UHMK1: variants seen among roughly 807,000 people sequenced by gnomAD.
The protein encoded by UHMK1 is U2AF homology motif kinase 1.
A neutral mutation model predicts 44.0 loss-of-function variants in UHMK1; 18 were observed. The ratio of observed to expected loss-of-function variants is 0.41; its 90% CI spans 0.28 to 0.61. UHMK1 has a LOEUF of 0.61. Ranked by LOEUF, UHMK1 falls within the 20% of genes least tolerant of loss-of-function variation. UHMK1 has a pLI of 0.31. For missense variants in UHMK1, 463 were observed against 522.5 expected (o/e 0.89, Z 1.11); for synonymous variants, 231 against 198.5 (o/e 1.16, Z -1.38).
Position 162,498,137 on chromosome 1 carries a change from C to G in UHMK1, c.137C>G (p.Pro46Arg), listed in dbSNP as rs752007453. Residue 46 changes from proline to arginine, a missense_variant, in exon 1 of 8, where the codon CCT (proline) becomes CGT (arginine). Physicochemically the swap from Pro to Arg is moderately radical, Grantham distance 103. This residue lies in a region of UHMK1 where 191 missense variants were observed against 176.0 expected (regional missense o/e 1.09). Transcript: ENST00000489294. ...TATCGGGTTCGCTGCTGCGGCAACC[C>G]TGGCTCGCCCCCCGGCGCCCTCAAG... is the stretch of plus-strand genomic sequence containing the variant. ...SVYRVRCCGN[P>R]GSPPGALKQF... 7 of 1,612,664 alleles carry G rather than the reference C, an allele frequency of 4.3e-6. No individual in the cohort carries two copies. The highest frequency in any genetic ancestry group is 4.0e-5 in the African/African-American group (3 of 74,936).
chr1:162,506,973 C>CT (rs1651492060), intron 4 of UHMK1, among the ~76,000 whole-genome samples: 1 of 152,046 alleles, frequency 6.6e-6, no homozygotes, highest in South Asian at 2.1e-4. Context: ...TTTGATTGTT[C>CT]TGGGTCAATA....
At chr1:162,514,888 A>T (rs1367914459) in intron 6 of UHMK1, among the ~76,000 whole-genome samples, 2 of 152,258 alleles carry the variant, frequency 1.3e-5, no homozygotes, top group Non-Finnish European at 2.9e-5. Context: ...TACGTAAGTT[A>T]TAAGTAAAAG....
At chr1:162,501,509 G>C (rs1402645401) in intron 3 of UHMK1, among the ~76,000 whole-genome samples, 1 of 152,140 alleles carries the variant, frequency 6.6e-6, no homozygotes, top group Admixed American at 6.5e-5. Context: ...ATTGCTGTCT[G>C]TTGTCCATAC....
chr1:162,518,255 T>TAATCATCAA, intron 7 of UHMK1, 65 bp downstream of exon 7: 1 of 1,233,720 alleles, frequency 8.1e-7, no homozygotes. Flanking sequence ...TTAAATGTTT[T>TAATCATCAA]AGTTCTGTAG....
intron 7 of UHMK1, among the ~76,000 whole-genome samples, chr1:162,519,161 AC>A (rs11314185): frequency 0.46 from 69,065 of 151,316 alleles, 15,809 homozygotes; most frequent in East Asian, 0.47. Context: ...TACTAAAAAT[AC>A]CAAAAATTAG....
rs140586409 is a variant in UHMK1 at position 162,520,557 on chromosome 1, G to A, written c.1114-1847G>A. ...TTGCACTTTTAAATGGGTTAGTAGG[G>A]AAGGACATCTGAGAAGGTCATATGA... is the stretch of plus-strand genomic sequence containing the variant. On this transcript the variant is annotated intron_variant, in intron 7 of 7. Coordinates refer to ENST00000489294, the MANE Select transcript of UHMK1 (RefSeq NM_175866.5). Among the ~76,000 whole-genome samples, 19 of 152,264 alleles carry A rather than the reference G, an allele frequency of 1.2e-4. No individual in the cohort carries two copies. In the East Asian group the frequency reaches 3.1e-3, roughly 25 times the overall value.
chr1:162,518,770 C>T lies in UHMK1; in HGVS notation c.1113+580C>T, dbSNP rs12041104. 4.9e-4 allele frequency among the ~76,000 whole-genome samples: 75 copies of T among 151,732 alleles called. 1 individual carries two copies. In the East Asian group the frequency reaches 0.012, roughly 25 times the overall value. The stretch of plus-strand genomic sequence containing the variant: ...TTGGGAGGCCGAGGCAGGCGGATCA[C>T]GAGATCAGGAGTTTGAGACCAGCCT... On this transcript the variant is annotated intron_variant, in intron 7 of 7. Coordinates refer to ENST00000489294, the MANE Select transcript of UHMK1 (RefSeq NM_175866.5).
intron 4 of UHMK1, among the ~76,000 whole-genome samples, chr1:162,506,418 G>T (rs2101674185): frequency 6.6e-6 from 1 of 152,040 alleles, no homozygotes; most frequent in African/African-American, 2.4e-5. Flanking sequence ...GTTGAATAAA[G>T]CACAGACACT....
At chr1:162,515,601 A>G (rs972971356) in intron 6 of UHMK1, among the ~76,000 whole-genome samples, 28 of 152,162 alleles carry the variant, frequency 1.8e-4, no homozygotes, top group Admixed American at 1.8e-3. Context: ...GCATTGTTTC[A>G]GGTTACGAAG....
intron 1 of UHMK1, 118 bp from the exon 2 acceptor site, chr1:162,499,837 A>G: frequency 3.4e-6 from 3 of 892,168 alleles, no homozygotes; most frequent in South Asian, 3.6e-5. Context: ...TTACAGTGGA[A>G]GCTTGCTCAT....
Position 162,503,113 on chromosome 1 carries a change from T to C in UHMK1, c.754-641T>C, listed in dbSNP as rs111796903. Among the ~76,000 whole-genome samples the C allele has an allele frequency of 2.9e-3, 438 of 152,310 alleles. 4 individuals are homozygous for C. Among genetic ancestry groups the C allele is most frequent in the South Asian group, 0.017 (82 of 4,826 alleles). On this transcript the variant is annotated intron_variant, in intron 3 of 7. Transcript: ENST00000489294. The stretch of plus-strand genomic sequence containing the variant: ...TAGTTTATTTCTGCCTGAAAACCAA[T>C]TGAAGACTCGTTACGGAGATACCCT...
Position 162,497,934 on chromosome 1 carries a change from C to T in UHMK1, c.-67C>T, listed in dbSNP as rs1456514980. The T allele has an allele frequency of 1.4e-6, 2 of 1,434,888 alleles. No homozygotes were observed. The highest frequency in any genetic ancestry group is 2.7e-5 in the Admixed American group (1 of 36,570). The allele number at this position is 1,434,888 out of a possible 1,614,324, so 88.9% of individuals were successfully genotyped here. On this transcript the variant is annotated 5_prime_UTR_variant, in exon 1 of 8. Transcript: ENST00000489294. ...CTGGTCCGGCTGGCGGAGATGTGAC[C>T]GCGGGCCCGGCCGGCCTGCCTCAGG...
chr1:162,513,889 A>G (rs2101680407), intron 6 of UHMK1, among the ~76,000 whole-genome samples: 1 of 152,342 alleles, frequency 6.6e-6, no homozygotes, highest in East Asian at 1.9e-4. Flanking sequence ...CTAGTTTATG[A>G]TTAAGTATTC....
chr1:162,498,152 G>A lies in UHMK1; in HGVS notation c.152G>A (p.Gly51Asp). 1.2e-6 allele frequency: 2 copies of A among 1,612,960 alleles called. No individual in the cohort carries two copies. The highest frequency in any genetic ancestry group is 1.7e-6 in the Non-Finnish European group (2 of 1,179,672). Residue 51 changes from glycine (G) to aspartate (D), a missense_variant, in exon 1 of 8, where the codon GGC becomes GAC. Transcript: ENST00000489294. The stretch of plus-strand genomic sequence containing the variant: ...TGCGGCAACCCTGGCTCGCCCCCCG[G>A]CGCCCTCAAGCAGTTCTTGCCGCCA... ...RCCGNPGSPP[G>D]ALKQFLPPGT... is the part of the protein sequence containing the mutation.
At chr1:162,503,502 G>T (rs969158203) in intron 3 of UHMK1, among the ~76,000 whole-genome samples, 1 of 151,212 alleles carries the variant, frequency 6.6e-6, no homozygotes, top group Non-Finnish European at 1.5e-5. Flanking sequence ...TTCCAGCTAC[G>T]CAGGAGGCTG....
chr1:162,523,414 G>A lies in UHMK1; in HGVS notation c.*864G>A, dbSNP rs1204112683. 1 of 152,602 alleles carries A rather than the reference G, an allele frequency of 6.6e-6. No individual in the cohort carries two copies. Among genetic ancestry groups the A allele is most frequent in the Admixed American group, 6.5e-5 (1 of 15,272 alleles). 9.5% of individuals were successfully genotyped at this position (152,602 alleles called of 1,614,324 possible). A position where few individuals can be genotyped will look rare whatever the true frequency, so the allele number is the denominator to read the frequency against. ...ATTCCTGAGAGGCCCAGAACAAACT[G>A]GAGTCTAGCCTGGAGTTAAATTGAG... On this transcript the variant is annotated 3_prime_UTR_variant, in exon 8 of 8. Coordinates refer to ENST00000489294, the MANE Select transcript of UHMK1 (RefSeq NM_175866.5).
chr1:162,512,379 C>A, intron 4 of UHMK1, 121 bp from the exon 5 acceptor site: 1 of 768,548 alleles, frequency 1.3e-6, no homozygotes, highest in Non-Finnish European at 2.1e-6. Flanking sequence ...GTGAATGATT[C>A]AATAAATCAT....
chr1:162,524,483 T>A lies in UHMK1; in HGVS notation c.*1933T>A, dbSNP rs148923465. On this transcript the variant is annotated 3_prime_UTR_variant, in exon 8 of 8. Coordinates refer to ENST00000489294, the MANE Select transcript of UHMK1 (RefSeq NM_175866.5). The stretch of plus-strand genomic sequence containing the variant: ...AGAATTCAAGTGGGCAGAACCCGTA[T>A]TGTGAAGACCTAAACTTTCCTAAAT... 1 of 152,328 alleles carries A rather than the reference T, an allele frequency of 6.6e-6. No individual in the cohort carries two copies. Among genetic ancestry groups the A allele is most frequent in the Non-Finnish European group, 1.5e-5 (1 of 68,016 alleles). The allele number at this position is 152,328 out of a possible 1,614,324, so 9.4% of individuals were successfully genotyped here. A position where few individuals can be genotyped will look rare whatever the true frequency, so the allele number is the denominator to read the frequency against.
chr1:162,499,947 T>C lies in UHMK1; in HGVS notation c.269-8T>C. 2 of 1,612,386 alleles carry C rather than the reference T, an allele frequency of 1.2e-6. No homozygotes were observed. The highest frequency in any genetic ancestry group is 2.2e-5 in the East Asian group (1 of 44,872). ...TGATTTTTAAAGTATTATAATTTCT[T>C]TTTCTAGTGACTTTGTATGGAGTGT... is the stretch of plus-strand genomic sequence containing the variant. On this transcript the variant is annotated splice_polypyrimidine_tract_variant and splice_region_variant and intron_variant, in intron 1 of 7. Coordinates refer to ENST00000489294, the MANE Select transcript of UHMK1 (RefSeq NM_175866.5).
Sources: allele counts gnomAD v4.1 joint callset (sites outside exome capture counted in the v4.1 genomes callset), GRCh38; gene constraint gnomAD v4.1.1; regional missense constraint gnomAD v4.1.1; transcripts MANE v1.5; gene names NCBI Gene and HGNC (gene_info 2026-07-23, HGNC 2026-07-21).